The following ESCO2 variants were observed in gnomAD, a reference collection of about 807,000 sequenced individuals.
ESCO2 encodes establishment of sister chromatid cohesion N-acetyltransferase 2.
ESCO2 carries 51 observed loss-of-function variants against 61.7 expected under a neutral mutation model. The observed-to-expected ratio is 0.83, with a 90% confidence interval of 0.66 to 1.04. ESCO2 has a LOEUF of 1.04. Ranked by LOEUF, ESCO2 falls within the 50% of genes least tolerant of loss-of-function variation. ESCO2 has a pLI of 0.00. For missense variants in ESCO2, 692 were observed against 686.2 expected, an observed-to-expected ratio of 1.01 and a Z score of -0.09; for synonymous variants, 230 against 238.2, an observed-to-expected ratio of 0.97 and a Z score of 0.32.
chr8:27,789,589 G>C (rs1431058118), intron 7 of ESCO2, among the ~76,000 whole-genome samples: 2 of 152,068 alleles, frequency 1.3e-5, no homozygotes, highest in Admixed American at 1.3e-4. Context: ...AGACCAGCCT[G>C]CCCAACATGG....
At chr8:27,811,772 G>T (rs559256154), downstream of ESCO2, among the ~76,000 whole-genome samples, 3 of 152,032 alleles carry the variant, frequency 2.0e-5, no homozygotes, top group African/African-American at 7.2e-5. Context: ...CTTCCAAACC[G>T]CAGTCATATA....
At chr8:27,802,954 G>T (rs569489956) in intron 10 of ESCO2, among the ~76,000 whole-genome samples, 3 of 151,604 alleles carry the variant, frequency 2.0e-5, no homozygotes, top group South Asian at 2.1e-4. Context: ...ACCGTGTTAG[G>T]ATAGTCTCGA....
intron 7 of ESCO2, 151 bp downstream of exon 7, chr8:27,789,129 A>AT: frequency 1.9e-6 from 2 of 1,027,294 alleles, no homozygotes; most frequent in East Asian, 5.3e-5. Flanking sequence ...ATATTTTGTA[A>AT]ACACTGCATT....
intron 7 of ESCO2, 127 bp from the exon 8 acceptor site, chr8:27,791,836 A>C: frequency 2.4e-6 from 2 of 821,640 alleles, no homozygotes; most frequent in Non-Finnish European, 4.0e-6. Context: ...TTTTAGTTGG[A>C]TTTCATCTTC....
downstream of ESCO2, among the ~76,000 whole-genome samples, chr8:27,817,357 G>C (rs114697968): frequency 1.3e-5 from 2 of 151,888 alleles, no homozygotes; most frequent in Admixed American, 6.6e-5. Flanking sequence ...GTCTTGCTCC[G>C]GCTCAGAAAT....
At chr8:27,803,215 T>C in intron 10 of ESCO2, 91 bp from the exon 11 acceptor site, 3 of 1,166,242 alleles carry the variant, frequency 2.6e-6, no homozygotes, top group Non-Finnish European at 3.8e-6. Context: ...ATAAGGTTGA[T>C]TTAAGTCAAG....
intron 5 of ESCO2, among the ~76,000 whole-genome samples, chr8:27,785,695 A>G (rs1315256614): frequency 2.1e-5 from 3 of 144,038 alleles, no homozygotes; most frequent in East Asian, 3.9e-4. Context: ...GCAAGATTCC[A>G]TCTCAAAAAA....
downstream of ESCO2, among the ~76,000 whole-genome samples, chr8:27,813,490 C>CCCCCAA (rs1327533217): frequency 6.6e-6 from 1 of 152,118 alleles, no homozygotes; most frequent in Non-Finnish European, 1.5e-5. Flanking sequence ...ATTGACTCCT[C>CCCCCAA]CCCCAAGCTT....
chr8:27,808,110 T>G (rs1004388964), downstream of ESCO2: 1 of 440,104 alleles, frequency 2.3e-6, no homozygotes, highest in Non-Finnish European at 3.3e-6. Context: ...TTAGCTGATA[T>G]ATATAGCATT....
chr8:27,799,533 C>T lies in ESCO2; in HGVS notation c.1498-8C>T, dbSNP rs1585409463. 6.2e-7 allele frequency: 1 copy of T among 1,613,686 alleles called. No homozygotes were observed. Among genetic ancestry groups the T allele is most frequent in the Non-Finnish European group, 8.5e-7 (1 of 1,179,898 alleles). On this transcript the variant is annotated splice_polypyrimidine_tract_variant and splice_region_variant and intron_variant, in intron 9 of 10. Transcript: ENST00000305188. ...GTTAGCTATAGATGCTTCTGTATAT[C>T]ATTGCAGGCATTTCGTGTCCTGTCT...
downstream of ESCO2, among the ~76,000 whole-genome samples, chr8:27,808,517 TAAA>T (rs59212659): frequency 7.1e-6 from 1 of 141,450 alleles, no homozygotes; most frequent in African/African-American, 2.6e-5. Context: ...CTACAAAAAA[TAAA>T]AAAAAAAAAA....
At chr8:27,813,125 A>C, downstream of ESCO2, among the ~76,000 whole-genome samples, 1 of 152,236 alleles carries the variant, frequency 6.6e-6, no homozygotes, top group East Asian at 1.9e-4. Flanking sequence ...ACACCATGGA[A>C]TACTATGCAG....
At chr8:27,814,875 C>T (rs966030693), downstream of ESCO2, among the ~76,000 whole-genome samples, 3 of 152,096 alleles carry the variant, frequency 2.0e-5, no homozygotes, top group African/African-American at 7.2e-5. Context: ...TGATTCCTCC[C>T]ATAGTGTCAT....
intron 10 of ESCO2, among the ~76,000 whole-genome samples, chr8:27,802,607 C>CAAAAAAA (rs1188348304): frequency 7.2e-4 from 21 of 29,158 alleles, no homozygotes; most frequent in South Asian, 1.2e-3. Context: ...GACTCTGTCT[C>CAAAAAAA]AAAAAAAAAA....
intron 5 of ESCO2, among the ~76,000 whole-genome samples, chr8:27,785,699 CAAAAA>C (rs567532485): frequency 2.0e-5 from 2 of 98,664 alleles, no homozygotes; most frequent in East Asian, 7.4e-4. Context: ...GATTCCATCT[CAAAAA>C]AAAAAAAAAA....
rs1804770874 is a variant in ESCO2, at chr8:27,775,566, A to G, written c.52A>G (p.Ser18Gly). 3 of 1,614,098 alleles carry G rather than the reference A, an allele frequency of 1.9e-6. No individual in the cohort carries two copies. Among genetic ancestry groups the G allele is most frequent in the Admixed American group, 3.3e-5 (2 of 60,034 alleles). ...KRKQDSLKCD[S>G]LLHFTENLFP... Reference sequence around the variant, plus strand: ...GAAGCAGGATTCTTTGAAGTGTGACAGGTGAATCTCAGCCTGTGAATAGAA... The same window carrying G: ...GAAGCAGGATTCTTTGAAGTGTGACGGGTGAATCTCAGCCTGTGAATAGAA... Residue 18 changes from serine to glycine, a missense_variant and splice_region_variant, in exon 2 of 11, where the codon AGC (serine) becomes GGC (glycine). Transcript: ENST00000305188.
At chr8:27,802,622 AAAAAAAAAATATATAT>A (rs1805459472) in intron 10 of ESCO2, among the ~76,000 whole-genome samples, 1 of 69,580 alleles carries the variant, frequency 1.4e-5, no homozygotes, top group African/African-American at 5.8e-5. Flanking sequence ...AAAAAAAAAA[AAAAAAAAAATATATAT>A]ATATATATAT....
chr8:27,792,626 C>G, intron 8 of ESCO2, 42 bp from the exon 9 acceptor site: 1 of 1,592,674 alleles, frequency 6.3e-7, no homozygotes, highest in East Asian at 2.2e-5. Context: ...TTCTATTGTA[C>G]TTTTTAAAAC....
chr8:27,809,455 C>T (rs1280863466), downstream of ESCO2, among the ~76,000 whole-genome samples: 1 of 152,098 alleles, frequency 6.6e-6, no homozygotes, highest in Non-Finnish European at 1.5e-5. Context: ...ATTGGCAATT[C>T]AGTAATTTGG....
Sources: gnomAD v4.1 joint callset for allele counts (sites outside exome capture counted in the v4.1 genomes callset) on GRCh38, gnomAD v4.1.1 for gene constraint, MANE v1.5 for transcripts, NCBI Gene and HGNC (gene_info 2026-07-23, HGNC 2026-07-21) for gene names.